The following VIPR2 variants were observed in gnomAD, a reference collection of about 807,000 sequenced individuals.
VIPR2 encodes vasoactive intestinal polypeptide receptor 2.
Under a neutral mutation model 58.0 loss-of-function variants are expected in VIPR2, and 48 were observed. That is an observed-to-expected ratio of 0.83 (90% CI 0.66 to 1.05). The LOEUF (loss-of-function observed/expected upper bound fraction) is 1.05, where lower values mean the gene tolerates loss of function less well. VIPR2 is among the 50% of genes least tolerant of loss of function. The pLI is 0.00. For synonymous variants in VIPR2, 243 were observed against 235.2 expected (o/e 1.03, Z -0.30); for missense variants, 534 against 558.0 (o/e 0.96, Z 0.43).
intron 2 of VIPR2, among the ~76,000 whole-genome samples, chr7:159,125,277 C>T (rs1462404010): frequency 6.6e-6 from 1 of 152,224 alleles, no homozygotes; most frequent in African/African-American, 2.4e-5. Context: ...CCAGACCAGA[C>T]AAAGTGACCC....
chr7:159,036,704 C>T, intron 7 of VIPR2, 48 bp downstream of exon 7: 1 of 1,573,900 alleles, frequency 6.4e-7, no homozygotes, highest in Non-Finnish European at 8.7e-7. Context: ...GTTGTTTGGT[C>T]CGATGGGATG....
chr7:159,063,889 C>T (rs1223772486), intron 4 of VIPR2, among the ~76,000 whole-genome samples: 1 of 71,348 alleles, frequency 1.4e-5, no homozygotes. Flanking sequence ...GTCTGGGGGT[C>T]CTGGGGGGAT....
intron 4 of VIPR2, among the ~76,000 whole-genome samples, chr7:159,066,165 A>T (rs1269995708): frequency 1.3e-5 from 2 of 148,394 alleles, no homozygotes; most frequent in Non-Finnish European, 3.0e-5. Context: ...CTGCTCCCAC[A>T]CTGTCCGTGG....
At chr7:159,064,949 C>T (rs897603224) in intron 4 of VIPR2, among the ~76,000 whole-genome samples, 3 of 152,180 alleles carry the variant, frequency 2.0e-5, no homozygotes, top group African/African-American at 4.8e-5. Context: ...GACTCTGCAT[C>T]GCCACCTCTA....
At chr7:159,103,985 C>G in intron 3 of VIPR2, 131 bp from the exon 4 acceptor site, 1 of 756,130 alleles carries the variant, frequency 1.3e-6, no homozygotes, top group Non-Finnish European at 2.2e-6. Context: ...GGAGACAGGA[C>G]TGCCACTCAA....
At chr7:159,094,525 TTCC>T (rs1857707742) in intron 4 of VIPR2, among the ~76,000 whole-genome samples, 1 of 152,198 alleles carries the variant, frequency 6.6e-6, no homozygotes, top group Non-Finnish European at 1.5e-5. Context: ...TGGCCTCCTG[TTCC>T]TCCTCTGAAT....
At chr7:159,055,752 T>C (rs929608878) in intron 5 of VIPR2, among the ~76,000 whole-genome samples, 1 of 152,250 alleles carries the variant, frequency 6.6e-6, no homozygotes, top group African/African-American at 2.4e-5. Flanking sequence ...CTTACAGCCA[T>C]TGCTCAGAGA....
At chr7:159,113,346 G>A (rs564429357) in intron 2 of VIPR2, among the ~76,000 whole-genome samples, 1 of 152,180 alleles carries the variant, frequency 6.6e-6, no homozygotes, top group Non-Finnish European at 1.5e-5. Context: ...CATACCCCCT[G>A]GCTTGCTCAA....
rs142959543 is a variant in VIPR2 at position 159,109,891 on chromosome 7, C to G, written c.180G>C (p.Thr60=). Residue 60 remains threonine, a synonymous_variant, in exon 3 of 13, where the codon ACG becomes ACC. Coordinates refer to ENST00000262178, the MANE Select transcript of VIPR2 (RefSeq NM_003382.5). ...KACSGVWDNI[T]CWRPANVGET... is the part of the protein sequence containing the mutation. ...CTCCCACATTGGCAGGCCGCCAGCA[C>G]GTGATGTTGTCCCAGACGCCACTGC... is the stretch of plus-strand genomic sequence containing the variant. The G allele has an allele frequency of 6.8e-6, 11 of 1,613,846 alleles. No homozygotes were observed. Among genetic ancestry groups the G allele is most frequent in the Middle Eastern group, 1.6e-4 (1 of 6,084 alleles).
intron 2 of VIPR2, among the ~76,000 whole-genome samples, chr7:159,130,960 C>A (rs562366961): frequency 7.4e-4 from 113 of 152,206 alleles, no homozygotes; most frequent in Non-Finnish European, 1.5e-3. Flanking sequence ...CTGCAGACAT[C>A]TGAGCGTGCT....
intron 2 of VIPR2, among the ~76,000 whole-genome samples, chr7:159,138,637 C>G (rs1203373466): frequency 6.6e-6 from 1 of 152,142 alleles, no homozygotes; most frequent in Admixed American, 6.5e-5. Context: ...AAATACAAAA[C>G]AGAAAAGAAA....
rs924412872 is a variant in VIPR2 at position 159,099,203 on chromosome 7, C to A, written c.357+4554G>T. On this transcript the variant is annotated intron_variant, in intron 4 of 12. Coordinates refer to ENST00000262178, the MANE Select transcript of VIPR2 (RefSeq NM_003382.5). The surrounding 1 kb of genome is among the most constrained non-coding windows in gnomAD (Gnocchi z 4.2). ...CTTTAAAATATTTTGACTTTCTAAT[C>A]CCTTAGCAGTGAATATGCACTTATA... Among the ~76,000 whole-genome samples, 1 of 152,254 alleles carries A rather than the reference C, an allele frequency of 6.6e-6. No individual in the cohort carries two copies. Among genetic ancestry groups the A allele is most frequent in the Non-Finnish European group, 1.5e-5 (1 of 68,046 alleles).
rs540921021 is a variant in VIPR2 at position 159,032,458 on chromosome 7, G to A, written c.972-391C>T. ...TGGGACAAGAAGGCTGGCCTCCACCGCTGCCACACGCAGGTTTAAATGATG... is the reference window on the plus strand; with the variant it reads ...TGGGACAAGAAGGCTGGCCTCCACCACTGCCACACGCAGGTTTAAATGATG... On this transcript the variant is annotated intron_variant, in intron 10 of 12. Transcript: ENST00000262178. 3.9e-5 allele frequency among the ~76,000 whole-genome samples: 6 copies of A among 152,226 alleles called. No individual in the cohort carries two copies. In the South Asian group the frequency reaches 8.3e-4, roughly 21 times the overall value.
intron 4 of VIPR2, among the ~76,000 whole-genome samples, chr7:159,062,745 G>A (rs1455889657): frequency 2.6e-5 from 4 of 152,214 alleles, no homozygotes; most frequent in Admixed American, 2.6e-4. Context: ...GAGACCCAGT[G>A]AATTGTCTCT....
At chr7:159,141,799 G>T (rs1237265612) in intron 2 of VIPR2, among the ~76,000 whole-genome samples, 1 of 152,154 alleles carries the variant, frequency 6.6e-6, no homozygotes, top group Non-Finnish European at 1.5e-5. Context: ...TTTCTTTCTT[G>T]AAGAGGAGAA....
rs1414414118 is a variant in VIPR2, at chr7:159,031,741, T to C, written c.1143+87A>G. 6.2e-7 allele frequency: 1 copy of C among 1,607,626 alleles called. No homozygotes were observed. Among genetic ancestry groups the C allele is most frequent in the East Asian group, 2.2e-5 (1 of 44,808 alleles). On this transcript the variant is annotated intron_variant, in intron 12 of 12. Transcript: ENST00000262178. This position sits in a 1 kb window ranked among gnomAD's most constrained non-coding sequence, Gnocchi z 4.0. ...AACTCGAGCCCGCGGAAGACAGGCA[T>C]GTGTGGGGGCTGCGGCACCAGGCTG...
intron 3 of VIPR2, among the ~76,000 whole-genome samples, chr7:159,107,153 T>C (rs1795786100): frequency 6.6e-6 from 1 of 152,178 alleles, no homozygotes; most frequent in South Asian, 2.1e-4. Context: ...GGGGATGTGC[T>C]GATGCCCCTT....
At chr7:159,034,457 T>C (rs1344415874) in intron 9 of VIPR2, 124 bp downstream of exon 9, 33 of 1,309,084 alleles carry the variant, frequency 2.5e-5, no homozygotes, top group East Asian at 1.4e-4. Context: ...AAGAGGTCCT[T>C]TTCCGGGAAG....
chr7:159,126,428 A>G (rs1563349494), intron 2 of VIPR2, among the ~76,000 whole-genome samples: 2 of 152,250 alleles, frequency 1.3e-5, no homozygotes, highest in Non-Finnish European at 2.9e-5. Flanking sequence ...CATTTTAGAA[A>G]TGCTGCAATT....
Sources: allele counts gnomAD v4.1 joint callset (sites outside exome capture counted in the v4.1 genomes callset), GRCh38; gene constraint gnomAD v4.1.1; non-coding constraint Gnocchi (gnomAD v3.1); transcripts MANE v1.5; gene names NCBI Gene and HGNC (gene_info 2026-07-23, HGNC 2026-07-21).